The following EPB41L4A variants were observed in gnomAD, a reference collection of about 807,000 sequenced individuals.
The protein encoded by EPB41L4A is erythrocyte membrane protein band 4.1 like 4A.
EPB41L4A carries 100 observed loss-of-function variants against 108.6 expected under a neutral mutation model. The ratio of observed to expected loss-of-function variants is 0.92; its 90% CI spans 0.78 to 1.09. EPB41L4A has a LOEUF of 1.09. Among genes scored for constraint, EPB41L4A ranks in the 50% least tolerant of loss-of-function variants. EPB41L4A has a pLI of 0.00. For missense variants in EPB41L4A, 1,030 were observed against 842.7 expected, an observed-to-expected ratio of 1.22 and a Z score of -2.75; for synonymous variants, 319 against 289.0, an observed-to-expected ratio of 1.10 and a Z score of -1.05.
chr5:112,216,179 C>A (rs1266443327), intron 12 of EPB41L4A, among the ~76,000 whole-genome samples: 1 of 152,214 alleles, frequency 6.6e-6, no homozygotes, highest in Non-Finnish European at 1.5e-5. Flanking sequence ...TTCCCAGGAT[C>A]TATTTAGCTA....
At chr5:112,201,652 C>G (rs1762225839) in intron 15 of EPB41L4A, among the ~76,000 whole-genome samples, 2 of 152,108 alleles carry the variant, frequency 1.3e-5, no homozygotes. Context: ...TTCTAATCAT[C>G]CCTGCCACCT....
At chr5:112,379,502 A>G (rs1760032499) in intron 1 of EPB41L4A, among the ~76,000 whole-genome samples, 1 of 152,202 alleles carries the variant, frequency 6.6e-6, no homozygotes, top group South Asian at 2.1e-4. Flanking sequence ...AGGGAAGAGG[A>G]GAAAGGTTAT....
chr5:112,323,626 G>A (rs56332227), intron 1 of EPB41L4A, among the ~76,000 whole-genome samples: 5,211 of 152,192 alleles, frequency 0.034, 136 homozygotes, highest in Non-Finnish European at 0.048. Context: ...ATGTCCCTGC[G>A]TTGAACAACG....
In EPB41L4A at chr5:112,262,492, A is replaced by C. The variant is rs746146363; in HGVS notation, c.642+2T>G. The C allele has an allele frequency of 1.2e-6, 2 of 1,612,122 alleles. No individual in the cohort carries two copies. The highest frequency in any genetic ancestry group is 1.1e-5 in the South Asian group (1 of 90,972). On this transcript the variant is annotated splice_donor_variant, in intron 7 of 22. Transcript: ENST00000261486. LOFTEE classifies it high-confidence loss of function. ...ATTTTGTGTTAATTAAATGTTACTC[A>C]CATAGACGGGATGGAGGTCAACGCC...
At chr5:112,206,428 A>G (rs1479055044) in intron 13 of EPB41L4A, among the ~76,000 whole-genome samples, 2 of 152,112 alleles carry the variant, frequency 1.3e-5, no homozygotes, top group African/African-American at 4.8e-5. Context: ...AAGCCTATAA[A>G]ATTTTGTATC....
intron 9 of EPB41L4A, among the ~76,000 whole-genome samples, chr5:112,247,609 A>T (rs1750341351): frequency 6.6e-6 from 1 of 152,192 alleles, no homozygotes. Context: ...AAAATATCAA[A>T]ACTTATTTAA....
intron 18 of EPB41L4A, among the ~76,000 whole-genome samples, chr5:112,181,447 T>C (rs1423551375): frequency 1.3e-5 from 2 of 150,984 alleles, no homozygotes; most frequent in African/African-American, 4.9e-5. Flanking sequence ...CGAGACTCTG[T>C]CTCAAAAAAA....
At chr5:112,259,367 G>A (rs1160707197) in intron 8 of EPB41L4A, 75 bp from the exon 9 acceptor site, 4 of 1,214,906 alleles carry the variant, frequency 3.3e-6, no homozygotes, top group African/African-American at 1.5e-5. Flanking sequence ...AGTATCCAGT[G>A]GAAAAAGACT....
intron 12 of EPB41L4A, among the ~76,000 whole-genome samples, chr5:112,210,670 G>A (rs1478878108): frequency 1.3e-5 from 2 of 152,086 alleles, no homozygotes; most frequent in Non-Finnish European, 2.9e-5. Flanking sequence ...AAGGGTCTGG[G>A]CCCATGTAGG....
chr5:112,394,517 G>C (rs1176955352), intron 1 of EPB41L4A, among the ~76,000 whole-genome samples: 2 of 152,048 alleles, frequency 1.3e-5, no homozygotes, highest in Non-Finnish European at 2.9e-5. Context: ...AAAATACCTA[G>C]GAATCCAACT....
intron 14 of EPB41L4A, among the ~76,000 whole-genome samples, chr5:112,205,106 T>C (rs1762409590): frequency 6.6e-6 from 1 of 152,238 alleles, no homozygotes; most frequent in South Asian, 2.1e-4. Context: ...TAACCAAAAC[T>C]ATGAAATGGG....
chr5:112,265,170 G>C (rs559379882), intron 5 of EPB41L4A, among the ~76,000 whole-genome samples, 154 bp from the exon 6 acceptor site: 1 of 152,264 alleles, frequency 6.6e-6, no homozygotes, highest in East Asian at 1.9e-4. Context: ...AAACAAATCT[G>C]ATGAGCATAT....
intron 2 of EPB41L4A, among the ~76,000 whole-genome samples, chr5:112,294,263 A>C (rs1210931922): frequency 6.6e-6 from 1 of 152,138 alleles, no homozygotes; most frequent in East Asian, 1.9e-4. Context: ...CTTTCATAAG[A>C]GAAGGAGGGA....
intron 11 of EPB41L4A, among the ~76,000 whole-genome samples, chr5:112,238,188 G>GT (rs1260524569): frequency 6.6e-6 from 1 of 152,070 alleles, no homozygotes; most frequent in African/African-American, 2.4e-5. Context: ...TATAATCCTG[G>GT]TGATGTTTTA....
chr5:112,325,803 C>T (rs1756119596), intron 1 of EPB41L4A, among the ~76,000 whole-genome samples: 1 of 152,104 alleles, frequency 6.6e-6, no homozygotes, highest in Non-Finnish European at 1.5e-5. Flanking sequence ...GATGGGATAA[C>T]TGAACTCAGT....
At chr5:112,166,807 G>T (rs894538193) in intron 22 of EPB41L4A, among the ~76,000 whole-genome samples, 6 of 152,196 alleles carry the variant, frequency 3.9e-5, no homozygotes, top group African/African-American at 7.2e-5. Flanking sequence ...CCCTTTAAAG[G>T]TGTAAAAACC....
intron 12 of EPB41L4A, among the ~76,000 whole-genome samples, chr5:112,215,496 C>G (rs532321447): frequency 6.6e-6 from 1 of 152,294 alleles, no homozygotes; most frequent in Non-Finnish European, 1.5e-5. Context: ...GGCGCGGTGG[C>G]TCACGCCTGT....
At chr5:112,250,888 C>T (rs1750611678) in intron 9 of EPB41L4A, 1 of 152,198 alleles carries the variant, frequency 6.6e-6, no homozygotes, top group African/African-American at 2.4e-5. Flanking sequence ...CAACTTTGCA[C>T]TAGGTGCTTG....
rs1410423798 is a variant in EPB41L4A at position 112,399,053 on chromosome 5, C to T, written c.99+19888G>A. Among the ~76,000 whole-genome samples the T allele has an allele frequency of 3.9e-5, 6 of 152,166 alleles. No individual in the cohort carries two copies. The South Asian group carries it at 8.3e-4, about 21-fold the overall frequency. Reference sequence around the variant, plus strand: ...TACACTGTGAGACCAACGTGCGGAGCGGTGAATCCATCACCCTCGCCAAAA... The same window carrying T: ...TACACTGTGAGACCAACGTGCGGAGTGGTGAATCCATCACCCTCGCCAAAA... On this transcript the variant is annotated intron_variant, in intron 1 of 22. Transcript: ENST00000261486.
Sources: gnomAD v4.1 joint callset for allele counts (sites outside exome capture counted in the v4.1 genomes callset) on GRCh38, gnomAD v4.1.1 for gene constraint, MANE v1.5 for transcripts, NCBI Gene and HGNC (gene_info 2026-07-23, HGNC 2026-07-21) for gene names.